ASXL2: variants seen among roughly 807,000 people sequenced by gnomAD.
ASXL2 encodes the protein ASXL transcriptional regulator 2.
A neutral mutation model predicts 122.0 loss-of-function variants in ASXL2; 23 were observed. That is an observed-to-expected ratio of 0.19 (90% CI 0.14 to 0.27). ASXL2 has a LOEUF of 0.27. Among genes scored for constraint, ASXL2 ranks in the 10% least tolerant of loss-of-function variants. ASXL2 has a pLI of 1.00. For synonymous variants in ASXL2, 650 were observed against 637.0 expected (o/e 1.02, Z -0.31); for missense variants, 1,518 against 1,713.8 (o/e 0.89, Z 2.02).
intron 1 of ASXL2, among the ~76,000 whole-genome samples, chr2:25,866,786 G>C (rs1443074659): frequency 6.6e-6 from 1 of 152,168 alleles, no homozygotes; most frequent in African/African-American, 2.4e-5. Flanking sequence ...AGGCTGGAGT[G>C]CACAGGTATG....
chr2:25,790,334 G>T (rs1414504232), intron 5 of ASXL2, among the ~76,000 whole-genome samples: 5 of 123,894 alleles, frequency 4.0e-5, no homozygotes, highest in South Asian at 2.9e-4. Flanking sequence ...GGGTGGGGGG[G>T]GTGTGAGAAG....
chr2:25,778,303 T>C (rs2088579648), intron 5 of ASXL2, among the ~76,000 whole-genome samples: 1 of 152,182 alleles, frequency 6.6e-6, no homozygotes, highest in African/African-American at 2.4e-5. Flanking sequence ...GGAAGACAGA[T>C]ACAGATGAGA....
At chr2:25,782,714 T>G (rs2088665457) in intron 5 of ASXL2, among the ~76,000 whole-genome samples, 1 of 152,196 alleles carries the variant, frequency 6.6e-6, no homozygotes, top group Non-Finnish European at 1.5e-5. Flanking sequence ...ATCCACCAAT[T>G]CTCAATTTTA....
intron 1 of ASXL2, among the ~76,000 whole-genome samples, chr2:25,864,867 C>T (rs1292388134): frequency 1.3e-5 from 2 of 150,340 alleles, no homozygotes; most frequent in South Asian, 2.1e-4. Context: ...GTTTCGCTCT[C>T]GTTGCCCAGG....
At chr2:25,786,901 G>A (rs2088757126) in intron 5 of ASXL2, among the ~76,000 whole-genome samples, 1 of 151,666 alleles carries the variant, frequency 6.6e-6, no homozygotes, top group Non-Finnish European at 1.5e-5. Context: ...TTACCTTAAA[G>A]GTAGAGAATG....
chr2:25,808,697 C>T (rs1371465532), intron 3 of ASXL2, among the ~76,000 whole-genome samples: 1 of 152,088 alleles, frequency 6.6e-6, no homozygotes, highest in Non-Finnish European at 1.5e-5. Flanking sequence ...TTTGGAGAGA[C>T]CTGTTCTTTA....
rs10579555 is a variant in ASXL2 at position 25,744,935 on chromosome 2, CCACACACACACACACACACA to C, written c.1861-479_1861-460del. ...GGGAAAATACTTGCTCTTCTCTGTT[CCACACACACACACACACACA>C]CACACACACACACACACACACACAC... is the stretch of plus-strand genomic sequence containing the variant. On this transcript the variant is annotated intron_variant, in intron 12 of 12. Coordinates refer to ENST00000435504, the MANE Select transcript of ASXL2 (RefSeq NM_018263.6). The surrounding 1 kb of genome is among the most constrained non-coding windows in gnomAD (Gnocchi z 4.7). Among the ~76,000 whole-genome samples the C allele has an allele frequency of 1.7e-4, 23 of 138,338 alleles. 1 individual carries two copies. The East Asian group carries it at 2.4e-3, about 14-fold the overall frequency. The allele number at this position is 138,338 out of a possible 152,430, so 90.8% of individuals were successfully genotyped here.
intron 3 of ASXL2, among the ~76,000 whole-genome samples, chr2:25,826,392 CA>C (rs1409335818): frequency 6.6e-6 from 1 of 152,148 alleles, no homozygotes; most frequent in Admixed American, 6.6e-5. Flanking sequence ...GCACCCAATC[CA>C]AAGAATCTTT....
rs184454685 is a variant in ASXL2, at chr2:25,864,669, T to A, written c.57+13497A>T. On this transcript the variant is annotated intron_variant, in intron 1 of 12. Transcript: ENST00000435504. ...GTATATCTCAAACTTTAGTACTATT[T>A]AAAAAAAAAAATTCTCAGGGGTCAC... Among the ~76,000 whole-genome samples, 9 of 148,446 alleles carry A rather than the reference T, an allele frequency of 6.1e-5. No homozygotes were observed. In the East Asian group the frequency reaches 7.8e-4, roughly 13 times the overall value.
In ASXL2 at chr2:25,740,741, T is replaced by C. The variant is rs1185694271; in HGVS notation, c.*1288A>G. 4.8e-6 allele frequency: 1 copy of C among 207,600 alleles called. No homozygotes were observed. Among genetic ancestry groups the C allele is most frequent in the East Asian group, 7.3e-5 (1 of 13,614 alleles). 12.9% of individuals were successfully genotyped at this position (207,600 alleles called of 1,614,324 possible). A position where few individuals can be genotyped will look rare whatever the true frequency, so the allele number is the denominator to read the frequency against. ...TTAGCCATTCAGAGGCCTCTTTCCA[T>C]TAGAAATTTCTAGTGCTCAGACAGC... On this transcript the variant is annotated 3_prime_UTR_variant, in exon 13 of 13. Coordinates refer to ENST00000435504, the MANE Select transcript of ASXL2 (RefSeq NM_018263.6).
chr2:25,771,420 T>C lies in ASXL2; in HGVS notation c.504+20A>G. On this transcript the variant is annotated intron_variant, in intron 6 of 12. Transcript: ENST00000435504. ...AATACAGGAAATTCTACTTGATAAATACAGACTAGCAATGCTTACCTGCTT... is the reference window on the plus strand; with the variant it reads ...AATACAGGAAATTCTACTTGATAAACACAGACTAGCAATGCTTACCTGCTT... The C allele has an allele frequency of 6.3e-7, 1 of 1,590,166 alleles. No individual in the cohort carries two copies. Among genetic ancestry groups the C allele is most frequent in the Non-Finnish European group, 8.6e-7 (1 of 1,163,024 alleles).
chr2:25,826,863 A>G lies in ASXL2; in HGVS notation c.143+8675T>C, dbSNP rs547290061. Among the ~76,000 whole-genome samples, 4 of 151,156 alleles carry G rather than the reference A, an allele frequency of 2.6e-5. No individual in the cohort carries two copies. The South Asian group carries it at 8.4e-4, about 32-fold the overall frequency. Reference sequence around the variant, plus strand: ...TATTTATTTGTTCATTTATTTAGAGACAGGGTCTTGCTCTGTAACCCAGGC... The same window carrying G: ...TATTTATTTGTTCATTTATTTAGAGGCAGGGTCTTGCTCTGTAACCCAGGC... On this transcript the variant is annotated intron_variant, in intron 3 of 12. Coordinates refer to ENST00000435504, the MANE Select transcript of ASXL2 (RefSeq NM_018263.6).
chr2:25,807,039 A>C (rs1015195373), intron 3 of ASXL2, among the ~76,000 whole-genome samples: 17 of 152,292 alleles, frequency 1.1e-4, no homozygotes, highest in Non-Finnish European at 2.4e-4. Context: ...AAAATAACAA[A>C]ATCATTAGAT....
At chr2:25,853,432 G>C (rs759717167) in intron 1 of ASXL2, among the ~76,000 whole-genome samples, 4 of 152,102 alleles carry the variant, frequency 2.6e-5, no homozygotes, top group Non-Finnish European at 5.9e-5. Context: ...TGTCACACTA[G>C]ACTCTTGTGG....
chr2:25,772,280 C>A (rs10182237), intron 5 of ASXL2, among the ~76,000 whole-genome samples: 3,212 of 151,926 alleles, frequency 0.021, 112 homozygotes, highest in African/African-American at 0.07. Flanking sequence ...TGATTCAGTA[C>A]CCTTATTAAA....
chr2:25,790,800 C>CTTTTTTTTTTTTTTTTTTTTTT (rs35046164), intron 5 of ASXL2, among the ~76,000 whole-genome samples: 1 of 108,854 alleles, frequency 9.2e-6, no homozygotes, highest in Non-Finnish European at 1.8e-5. Flanking sequence ...AGTTTTTTGT[C>CTTTTTTTTTTTTTTTTTTTTTT]TTTTTTTTTT....
chr2:25,747,887 G>C (rs2087968669), intron 12 of ASXL2, among the ~76,000 whole-genome samples: 1 of 152,138 alleles, frequency 6.6e-6, no homozygotes, highest in Admixed American at 6.6e-5. Flanking sequence ...GCAATGAATT[G>C]GCCAGGCGTG....
intron 1 of ASXL2, among the ~76,000 whole-genome samples, chr2:25,868,299 T>C (rs1460904543): frequency 3.3e-5 from 5 of 152,238 alleles, no homozygotes; most frequent in African/African-American, 1.2e-4. Flanking sequence ...AGTTCAAGGT[T>C]AAAGATGACG....
chr2:25,822,684 A>G (rs2089326808), intron 3 of ASXL2: 1 of 705,000 alleles, frequency 1.4e-6, no homozygotes, highest in Admixed American at 1.9e-5. Flanking sequence ...GGACAGATCA[A>G]TTGTATGTTG....
Sources: gnomAD v4.1 joint callset for allele counts (sites outside exome capture counted in the v4.1 genomes callset) on GRCh38, gnomAD v4.1.1 for gene constraint, Gnocchi (gnomAD v3.1) non-coding constraint, MANE v1.5 for transcripts, NCBI Gene and HGNC (gene_info 2026-07-23, HGNC 2026-07-21) for gene names.